The following EIF4G3 variants were observed in gnomAD, a reference collection of about 807,000 sequenced individuals.
EIF4G3 encodes the protein eukaryotic translation initiation factor 4 gamma 3, also known as eIF-4-gamma 3.
A neutral mutation model predicts 186.4 loss-of-function variants in EIF4G3; 34 were observed. The ratio of observed to expected loss-of-function variants is 0.18; its 90% CI spans 0.14 to 0.24. EIF4G3 has a LOEUF of 0.24. Among genes scored for constraint, EIF4G3 ranks in the 10% least tolerant of loss-of-function variants. EIF4G3 has a pLI of 1.00. For synonymous variants in EIF4G3, 673 were observed against 679.5 expected, an observed-to-expected ratio of 0.99 and a Z score of 0.15; for missense variants, 1,536 against 1,948.5, an observed-to-expected ratio of 0.79 and a Z score of 3.99.
intron 35 of EIF4G3, among the ~76,000 whole-genome samples, chr1:20,812,255 A>G (rs1418111083): frequency 1.3e-5 from 2 of 152,208 alleles, no homozygotes; most frequent in Admixed American, 1.3e-4. Context: ...GACCCCCACC[A>G]TCTCAAGAAA....
chr1:20,856,888 C>T (rs888604543), intron 25 of EIF4G3, among the ~76,000 whole-genome samples: 2 of 152,012 alleles, frequency 1.3e-5, no homozygotes, highest in Admixed American at 6.6e-5. Flanking sequence ...TGAGGCCGGG[C>T]GCGGTGGCTC....
chr1:21,175,715 T>A (rs2098087609), intron 2 of EIF4G3: 1 of 152,292 alleles, frequency 6.6e-6, no homozygotes, highest in South Asian at 2.1e-4. Flanking sequence ...CGATAAAGTT[T>A]ATTATGTACT....
chr1:20,933,577 C>G (rs1009419947), intron 14 of EIF4G3, among the ~76,000 whole-genome samples: 2 of 151,994 alleles, frequency 1.3e-5, no homozygotes, highest in African/African-American at 4.8e-5. Context: ...ATCACTTGAA[C>G]CTGGGAGGCG....
intron 4 of EIF4G3, among the ~76,000 whole-genome samples, chr1:21,036,839 C>T (rs1557645866): frequency 6.6e-6 from 1 of 152,062 alleles, no homozygotes; most frequent in Non-Finnish European, 1.5e-5. Context: ...CAAGATCGTG[C>T]CACTGCACTC....
At chr1:21,095,830 T>C (rs925488869) in intron 2 of EIF4G3, among the ~76,000 whole-genome samples, 1 of 151,748 alleles carries the variant, frequency 6.6e-6, no homozygotes, top group Admixed American at 6.6e-5. Context: ...CCAGAGACTA[T>C]GCAACAATGG....
chr1:21,047,076 G>C (rs1393526779), intron 4 of EIF4G3, among the ~76,000 whole-genome samples: 1 of 152,140 alleles, frequency 6.6e-6, no homozygotes, highest in African/African-American at 2.4e-5. Context: ...CGAAGTTCCA[G>C]AGATATTAAA....
intron 3 of EIF4G3, among the ~76,000 whole-genome samples, chr1:21,065,466 G>A (rs2095193019): frequency 1.3e-5 from 2 of 151,442 alleles, no homozygotes; most frequent in African/African-American, 4.9e-5. Flanking sequence ...GAGGCTGGGA[G>A]AGAAGGATTA....
intron 27 of EIF4G3, among the ~76,000 whole-genome samples, chr1:20,851,749 G>T (rs187453127): frequency 6.6e-6 from 1 of 152,256 alleles, no homozygotes; most frequent in African/African-American, 2.4e-5. Flanking sequence ...CAGGCATGGT[G>T]GCTCACACCT....
intron 2 of EIF4G3, among the ~76,000 whole-genome samples, chr1:21,099,141 G>A (rs2096459176): frequency 6.6e-6 from 1 of 152,170 alleles, no homozygotes; most frequent in Admixed American, 6.6e-5. Flanking sequence ...AGGATGAGGA[G>A]CAACTGGAAA....
chr1:20,821,118 T>C (rs1034237271), intron 33 of EIF4G3, among the ~76,000 whole-genome samples: 1 of 152,126 alleles, frequency 6.6e-6, no homozygotes, highest in Admixed American at 6.6e-5. Context: ...ACTCCAGAGA[T>C]CCCGTTAACA....
At chr1:20,978,114 G>C (rs1234408239) in intron 10 of EIF4G3, among the ~76,000 whole-genome samples, 1 of 152,060 alleles carries the variant, frequency 6.6e-6, no homozygotes, top group Non-Finnish European at 1.5e-5. Context: ...AAAAATTCTA[G>C]ATAGTAACAA....
At chr1:21,015,575 A>C (rs1476573968) in intron 4 of EIF4G3, among the ~76,000 whole-genome samples, 1 of 152,192 alleles carries the variant, frequency 6.6e-6, no homozygotes, top group Admixed American at 6.5e-5. Context: ...CCTGGGGAAC[A>C]CAGCAAGAAC....
At chr1:21,014,355 C>T (rs578051641) in intron 4 of EIF4G3, among the ~76,000 whole-genome samples, 1 of 152,244 alleles carries the variant, frequency 6.6e-6, no homozygotes, top group Admixed American at 6.5e-5. Flanking sequence ...AGTGCATGTG[C>T]AGCTTTGTTA....
chr1:20,945,046 C>T (rs1573297069), intron 13 of EIF4G3, among the ~76,000 whole-genome samples: 1 of 151,952 alleles, frequency 6.6e-6, no homozygotes, highest in Non-Finnish European at 1.5e-5. Flanking sequence ...ATTGTGAGTT[C>T]TTCATTCTAA....
At chr1:21,085,996 G>A (rs2095959679) in intron 3 of EIF4G3, among the ~76,000 whole-genome samples, 3 of 151,794 alleles carry the variant, frequency 2.0e-5, no homozygotes, top group African/African-American at 7.3e-5. Context: ...CTGGCCCAAA[G>A]GTTATTTTTC....
chr1:20,852,554 A>AT (rs2073667586), intron 27 of EIF4G3, among the ~76,000 whole-genome samples: 2 of 152,340 alleles, frequency 1.3e-5, no homozygotes, highest in Non-Finnish European at 2.9e-5. Context: ...GAGACTCTCC[A>AT]TATTTCCTGA....
intron 4 of EIF4G3, among the ~76,000 whole-genome samples, chr1:21,024,579 C>T (rs1375291625): frequency 6.7e-6 from 1 of 149,832 alleles, no homozygotes; most frequent in African/African-American, 2.5e-5. Context: ...TCCTGTTGAT[C>T]TGTGACCTTA....
intron 3 of EIF4G3, among the ~76,000 whole-genome samples, chr1:21,055,880 C>G (rs1333937412): frequency 6.6e-6 from 1 of 152,022 alleles, no homozygotes; most frequent in Non-Finnish European, 1.5e-5. Context: ...AGACTGTAAG[C>G]TATGTTTCTT....
chr1:20,869,509 C>T (rs1434150982), intron 20 of EIF4G3, among the ~76,000 whole-genome samples: 1 of 151,846 alleles, frequency 6.6e-6, no homozygotes, highest in Non-Finnish European at 1.5e-5. Flanking sequence ...GGTGCAGTGG[C>T]TCACGCCTGT....
Sources: gnomAD v4.1 joint callset for allele counts (sites outside exome capture counted in the v4.1 genomes callset) on GRCh38, gnomAD v4.1.1 for gene constraint, MANE v1.5 for transcripts, NCBI Gene and HGNC (gene_info 2026-07-23, HGNC 2026-07-21) for gene names.